Variants in XRCC4 observed in about 807,000 individuals in gnomAD.
The protein encoded by XRCC4 is X-ray repair cross complementing 4, also known as DNA repair protein XRCC4.
XRCC4 carries 28 observed loss-of-function variants against 39.1 expected under a neutral mutation model. That is an observed-to-expected ratio of 0.72 (90% confidence interval 0.53 to 0.98). The LOEUF is 0.98. Ranked by LOEUF, XRCC4 falls within the 50% of genes least tolerant of loss-of-function variation. XRCC4 has a pLI of 0.00. For missense variants in XRCC4, 350 were observed against 376.4 expected, an observed-to-expected ratio of 0.93 and a Z score of 0.58; for synonymous variants, 123 against 126.4, an observed-to-expected ratio of 0.97 and a Z score of 0.18.
chr5:83,244,675 T>C (rs1267196509), intron 6 of XRCC4, among the ~76,000 whole-genome samples: 1 of 152,142 alleles, frequency 6.6e-6, no homozygotes, highest in Non-Finnish European at 1.5e-5. Flanking sequence ...TTGTGCCTCT[T>C]TAGTTGAATG....
intron 1 of XRCC4, 21 bp from the exon 2 acceptor site, chr5:83,104,889 A>T (rs779647036): frequency 1.2e-6 from 2 of 1,603,100 alleles, no homozygotes; most frequent in Non-Finnish European, 1.7e-6. Context: ...TAAAAATATT[A>T]ATTGTATTCT....
At chr5:83,254,471 C>G (rs1450921310) in intron 6 of XRCC4, among the ~76,000 whole-genome samples, 1 of 152,076 alleles carries the variant, frequency 6.6e-6, no homozygotes, top group Non-Finnish European at 1.5e-5. Flanking sequence ...ATACATATAA[C>G]CTAATACACT....
In XRCC4 at chr5:83,340,020, C is replaced by T. The variant is rs116323671; in HGVS notation, c.894-13111C>T. ...GGGAAGTGATAGATGATAGTGGTCG[C>T]GAGCCTGTCTCAATGATTCTAGTTC... On this transcript the variant is annotated intron_variant, in intron 7 of 7. Coordinates refer to ENST00000396027, the MANE Select transcript of XRCC4 (RefSeq NM_003401.5). Among the ~76,000 whole-genome samples, 1,019 of 152,152 alleles carry T rather than the reference C, an allele frequency of 6.7e-3. 13 individuals carry two copies. Among genetic ancestry groups the T allele is most frequent in the African/African-American group, 0.023 (973 of 41,508 alleles).
chr5:83,233,114 AAACTAAGTTGTC>A (rs1191995277), intron 6 of XRCC4, among the ~76,000 whole-genome samples: 1 of 152,214 alleles, frequency 6.6e-6, no homozygotes, highest in Non-Finnish European at 1.5e-5. Flanking sequence ...TTGAAGCCAA[AAACTAAGTTGTC>A]AATTATCATA....
At chr5:83,335,046 T>C (rs1168517690) in intron 7 of XRCC4, among the ~76,000 whole-genome samples, 1 of 151,912 alleles carries the variant, frequency 6.6e-6, no homozygotes, top group Non-Finnish European at 1.5e-5. Context: ...TGACTTTGGG[T>C]GAAACCTAAA....
chr5:83,368,286 A>G, the XRCC4 span, among the ~76,000 whole-genome samples: 1 of 152,172 alleles, frequency 6.6e-6, no homozygotes, highest in Non-Finnish European at 1.5e-5. Context: ...AATGCAGTCA[A>G]TCATCCCAGG....
At chr5:83,169,760 GA>G (rs199597233) in intron 3 of XRCC4, among the ~76,000 whole-genome samples, 2 of 150,416 alleles carry the variant, frequency 1.3e-5, no homozygotes, top group African/African-American at 2.4e-5. Flanking sequence ...GACTTTGAGA[GA>G]AAAAAAAATC....
rs574226229 is a variant in XRCC4 at position 83,139,781 on chromosome 5, A to G, written c.315+28578A>G. Among the ~76,000 whole-genome samples the G allele has an allele frequency of 4.5e-4, 68 of 152,310 alleles. 1 individual carries two copies. The South Asian group carries it at 0.014, about 31-fold the overall frequency. ...TACAGTGGTAAATCTTTGTGTATCT[A>G]CACACACCTAAACACAGAATAGGTA... On this transcript the variant is annotated intron_variant, in intron 3 of 7. Transcript: ENST00000396027.
At chr5:83,168,271 CT>C (rs138236282) in intron 3 of XRCC4, among the ~76,000 whole-genome samples, 2,743 of 152,112 alleles carry the variant, frequency 0.018, 70 homozygotes, top group East Asian at 0.073. Flanking sequence ...CAATAATACA[CT>C]TGAAGGAAAT....
At chr5:83,282,218 G>A (rs1754567307) in intron 7 of XRCC4, among the ~76,000 whole-genome samples, 1 of 152,166 alleles carries the variant, frequency 6.6e-6, no homozygotes, top group Non-Finnish European at 1.5e-5. Context: ...ATGACAATGA[G>A]TGCCTTAAAA....
intron 7 of XRCC4, among the ~76,000 whole-genome samples, chr5:83,259,669 C>T (rs1753682208): frequency 6.6e-6 from 1 of 151,972 alleles, no homozygotes; most frequent in Non-Finnish European, 1.5e-5. Context: ...AAATACGTTT[C>T]ATAAAGAATA....
At chr5:83,308,106 C>G (rs1755551482) in intron 7 of XRCC4, among the ~76,000 whole-genome samples, 1 of 152,128 alleles carries the variant, frequency 6.6e-6, no homozygotes, top group African/African-American at 2.4e-5. Context: ...TTGCCTCTCC[C>G]TCATTCCCAG....
chr5:83,301,632 G>T (rs866769743), intron 7 of XRCC4, among the ~76,000 whole-genome samples: 6 of 152,132 alleles, frequency 3.9e-5, no homozygotes, highest in Non-Finnish European at 8.8e-5. Context: ...TGGTGTTTTA[G>T]TCATGAAGTC....
At chr5:83,121,993 T>G (rs1410474009) in intron 3 of XRCC4, among the ~76,000 whole-genome samples, 2 of 152,182 alleles carry the variant, frequency 1.3e-5, no homozygotes, top group African/African-American at 2.4e-5. Flanking sequence ...ACGTGTGTAT[T>G]GGTCTATATT....
At chr5:83,337,238 A>G (rs1304341689) in intron 7 of XRCC4, among the ~76,000 whole-genome samples, 4 of 152,210 alleles carry the variant, frequency 2.6e-5, no homozygotes, top group Non-Finnish European at 5.9e-5. Flanking sequence ...TGAATGAAAC[A>G]ATTCTAAATC....
chr5:83,257,811 G>A (rs1437735456), intron 6 of XRCC4, among the ~76,000 whole-genome samples: 1 of 152,130 alleles, frequency 6.6e-6, no homozygotes, highest in Non-Finnish European at 1.5e-5. Flanking sequence ...TGATAGACTG[G>A]ATAAAGAAAA....
intron 3 of XRCC4, among the ~76,000 whole-genome samples, chr5:83,185,314 C>A (rs73771053): frequency 0.017 from 2,499 of 150,368 alleles, 59 homozygotes; most frequent in African/African-American, 0.058. Flanking sequence ...AAATTAATTC[C>A]TTTCACAATA....
chr5:83,222,797 G>C (rs982179685), intron 6 of XRCC4, among the ~76,000 whole-genome samples: 1 of 152,096 alleles, frequency 6.6e-6, no homozygotes, highest in Non-Finnish European at 1.5e-5. Context: ...ACCCAGGCTT[G>C]AGTGGAGTGG....
intron 7 of XRCC4, among the ~76,000 whole-genome samples, chr5:83,304,325 C>T (rs981677339): frequency 2.0e-5 from 3 of 151,966 alleles, no homozygotes; most frequent in African/African-American, 7.3e-5. Context: ...AGGAGTGCCC[C>T]ACCGCACCCA....
Sources: allele counts gnomAD v4.1 joint callset (sites outside exome capture counted in the v4.1 genomes callset), GRCh38; gene constraint gnomAD v4.1.1; transcripts MANE v1.5; gene names NCBI Gene and HGNC (gene_info 2026-07-23, HGNC 2026-07-21).